GRIK4: variants seen among roughly 807,000 people sequenced by gnomAD.
GRIK4 encodes the protein glutamate ionotropic receptor kainate type subunit 4.
Under a neutral mutation model 104.9 loss-of-function variants are expected in GRIK4, and 40 were observed. That is an observed-to-expected ratio of 0.38 (90% confidence interval 0.30 to 0.50). The LOEUF (loss-of-function observed/expected upper bound fraction) is 0.50. Ranked by LOEUF, GRIK4 falls within the 20% of genes least tolerant of loss-of-function variation. The probability of loss-of-function intolerance (pLI) is 0.93; values close to 1 mark genes in which losing one functional copy is unlikely to be tolerated. For synonymous variants in GRIK4, 485 were observed against 524.9 expected, an observed-to-expected ratio of 0.92 and a Z score of 1.04; for missense variants, 1,047 against 1,308.1, an observed-to-expected ratio of 0.80 and a Z score of 3.08.
intron 8 of GRIK4, among the ~76,000 whole-genome samples, chr11:120,839,371 TTGAC>T (rs892142335): frequency 6.6e-5 from 10 of 152,216 alleles, no homozygotes; most frequent in African/African-American, 1.9e-4. Flanking sequence ...AAACTTTTGT[TTGAC>T]TAGCTACTGG....
At chr11:120,845,308 A>G (rs530803897) in intron 8 of GRIK4, among the ~76,000 whole-genome samples, 46 of 152,322 alleles carry the variant, frequency 3.0e-4, no homozygotes, top group African/African-American at 1.0e-3. Flanking sequence ...CTGTTGGCCT[A>G]TCAGTTTTCC....
chr11:120,677,243 A>T lies in GRIK4; in HGVS notation c.82+16843A>T, dbSNP rs10736503. The stretch of plus-strand genomic sequence containing the variant: ...GTCAGGGCACTAAAGGAGTAGCCTG[A>T]GAGCTGAGTGTGATCTGAGCCTGTG... On this transcript the variant is annotated intron_variant, in intron 3 of 20. Transcript: ENST00000527524. 4.2e-3 allele frequency among the ~76,000 whole-genome samples: 643 copies of T among 152,064 alleles called. 3 individuals carry two copies. The highest frequency in any genetic ancestry group is 6.8e-3 in the Non-Finnish European group (461 of 67,978).
chr11:120,904,203 T>C (rs924235943), intron 12 of GRIK4, among the ~76,000 whole-genome samples: 1 of 152,250 alleles, frequency 6.6e-6, no homozygotes, highest in East Asian at 1.9e-4. Context: ...TTACCCTTGC[T>C]CCACATTTTA....
chr11:120,949,867 GA>G (rs1175659589), intron 14 of GRIK4, among the ~76,000 whole-genome samples: 2 of 152,182 alleles, frequency 1.3e-5, no homozygotes, highest in Non-Finnish European at 2.9e-5. Flanking sequence ...TGTCAGTATG[GA>G]AAATTGGGTA....
chr11:120,673,699 A>G (rs1339026854), intron 3 of GRIK4, among the ~76,000 whole-genome samples: 2 of 152,188 alleles, frequency 1.3e-5, no homozygotes, highest in African/African-American at 2.4e-5. Flanking sequence ...CTCTGGGACT[A>G]TGGTCAGACC....
Position 120,967,401 on chromosome 11 carries a change from C to T in GRIK4, c.2395+78C>T. On this transcript the variant is annotated intron_variant, in intron 19 of 20. Transcript: ENST00000527524. This position sits in a 1 kb window ranked among gnomAD's most constrained non-coding sequence, Gnocchi z 4.2. ...GTTTCTCGTGTTCAAATTCCAGGTA[C>T]ACATAATGACTTGTAGGACCCATTG... 7 of 1,469,056 alleles carry T rather than the reference C, an allele frequency of 4.8e-6. No individual in the cohort carries two copies. The highest frequency in any genetic ancestry group is 1.3e-5 in the South Asian group (1 of 76,112). The allele number at this position is 1,469,056 out of a possible 1,614,324, so 91.0% of individuals were successfully genotyped here. A position where few individuals can be genotyped will look rare whatever the true frequency, so the allele number is the denominator to read the frequency against.
chr11:120,802,664 A>G, intron 3 of GRIK4, 29 bp from the exon 4 acceptor site: 6 of 1,599,924 alleles, frequency 3.8e-6, no homozygotes, highest in Non-Finnish European at 4.3e-6. Context: ...TGGAGTACCA[A>G]TTGTCTCCAT....
intron 8 of GRIK4, among the ~76,000 whole-genome samples, chr11:120,842,886 G>T (rs765822629): frequency 3.5e-4 from 54 of 152,378 alleles, no homozygotes; most frequent in Non-Finnish European, 2.8e-4. Context: ...CGTAAGAGAA[G>T]AGATGAAGGA....
At chr11:120,800,056 A>G (rs3016414) in intron 3 of GRIK4, among the ~76,000 whole-genome samples, 31,917 of 149,684 alleles carry the variant, frequency 0.21, 7,184 homozygotes, top group African/African-American at 0.58. Context: ...GTTTCTCCAT[A>G]TTGGTCAGGT....
intron 1 of GRIK4, among the ~76,000 whole-genome samples, chr11:120,534,603 G>A (rs1397477959): frequency 6.6e-6 from 1 of 152,166 alleles, no homozygotes; most frequent in Non-Finnish European, 1.5e-5. Context: ...AGGTAGAATG[G>A]GGGATAGTCC....
intron 8 of GRIK4, among the ~76,000 whole-genome samples, chr11:120,850,593 G>T (rs1475297501): frequency 6.6e-6 from 1 of 152,130 alleles, no homozygotes; most frequent in African/African-American, 2.4e-5. Flanking sequence ...GCCTCCTGAT[G>T]ATGGCCTGTA....
At chr11:120,914,766 GT>G (rs1565436099) in intron 13 of GRIK4, among the ~76,000 whole-genome samples, 1 of 152,164 alleles carries the variant, frequency 6.6e-6, no homozygotes, top group African/African-American at 2.4e-5. Context: ...TGGTTTGTTT[GT>G]TTTATTCAAA....
chr11:120,977,976 G>A (rs75871913), intron 19 of GRIK4, among the ~76,000 whole-genome samples: 3,117 of 152,192 alleles, frequency 0.02, 46 homozygotes, highest in Middle Eastern at 0.075. Context: ...CAACCAGGGC[G>A]GAGCACTCAA....
At chr11:120,534,918 G>A (rs777745825) in intron 1 of GRIK4, among the ~76,000 whole-genome samples, 12 of 152,284 alleles carry the variant, frequency 7.9e-5, no homozygotes, top group Middle Eastern at 3.4e-3. Context: ...CCAGCTCTGC[G>A]GAACTTCCTG....
chr11:120,905,514 C>T lies in GRIK4; in HGVS notation c.1476+21C>T, dbSNP rs1325168856. 1.8e-6 allele frequency: 1 copy of T among 548,076 alleles called. No individual in the cohort carries two copies. Among genetic ancestry groups the T allele is most frequent in the Non-Finnish European group, 3.5e-6 (1 of 288,564 alleles). The allele number at this position is 548,076 out of a possible 1,614,324, so 34.0% of individuals were successfully genotyped here. A position where few individuals can be genotyped will look rare whatever the true frequency, so the allele number is the denominator to read the frequency against. ...CTAGGGTAAGGAGAGGACAAGTGATCTGGGCCTGAGGGTGGGCTGGGAGGG... is the reference window on the plus strand; with the variant it reads ...CTAGGGTAAGGAGAGGACAAGTGATTTGGGCCTGAGGGTGGGCTGGGAGGG... On this transcript the variant is annotated intron_variant, in intron 13 of 20. Coordinates refer to ENST00000527524, the MANE Select transcript of GRIK4 (RefSeq NM_014619.5). This position sits in a 1 kb window ranked among gnomAD's most constrained non-coding sequence, Gnocchi z 5.1.
intron 3 of GRIK4, among the ~76,000 whole-genome samples, chr11:120,713,776 C>G (rs761476790): frequency 2.6e-5 from 4 of 152,150 alleles, no homozygotes; most frequent in African/African-American, 4.8e-5. Flanking sequence ...ATTCATAGTT[C>G]TGTTCACTTA....
chr11:120,606,546 T>G (rs1398306637), intron 1 of GRIK4, among the ~76,000 whole-genome samples: 1 of 152,210 alleles, frequency 6.6e-6, no homozygotes, highest in Non-Finnish European at 1.5e-5. Context: ...ACTCATTCCG[T>G]CCATTCATCT....
Position 120,952,977 on chromosome 11 carries a change from T to C in GRIK4, c.1700+13T>C. The C allele has an allele frequency of 6.6e-7, 1 of 1,522,046 alleles. No homozygotes were observed. The highest frequency in any genetic ancestry group is 9.0e-7 in the Non-Finnish European group (1 of 1,105,366). The allele number at this position is 1,522,046 out of a possible 1,614,324, so 94.3% of individuals were successfully genotyped here. Reference sequence around the variant, plus strand: ...TCCTGGTGGCTCGGTACTCTCCTCTTCCCTTCCCTGTCCTTACACCGCCAC... The same window carrying C: ...TCCTGGTGGCTCGGTACTCTCCTCTCCCCTTCCCTGTCCTTACACCGCCAC... On this transcript the variant is annotated intron_variant, in intron 15 of 20. Coordinates refer to ENST00000527524, the MANE Select transcript of GRIK4 (RefSeq NM_014619.5). The surrounding 1 kb of genome is among the most constrained non-coding windows in gnomAD (Gnocchi z 5.2).
intron 3 of GRIK4, among the ~76,000 whole-genome samples, chr11:120,735,697 A>AC (rs1437096634): frequency 6.6e-6 from 1 of 151,342 alleles, no homozygotes; most frequent in Non-Finnish European, 1.5e-5. Context: ...GAGTGAAAAA[A>AC]AAAGCCTTAG....
Sources: allele counts gnomAD v4.1 joint callset (sites outside exome capture counted in the v4.1 genomes callset), GRCh38; gene constraint gnomAD v4.1.1; non-coding constraint Gnocchi (gnomAD v3.1); transcripts MANE v1.5; gene names NCBI Gene and HGNC (gene_info 2026-07-23, HGNC 2026-07-21).